The following AXDND1 variants were observed in gnomAD, a reference collection of about 807,000 sequenced individuals.
AXDND1 encodes axonemal dynein light chain domain-containing protein 1.
A neutral mutation model predicts 137.5 loss-of-function variants in AXDND1; 110 were observed. That is an observed-to-expected ratio of 0.80 (90% CI 0.69 to 0.94). The LOEUF (loss-of-function observed/expected upper bound fraction) is 0.94. Among genes scored for constraint, AXDND1 ranks in the 40% least tolerant of loss-of-function variants. AXDND1 has a pLI of 0.00. For missense variants in AXDND1, 1,191 were observed against 1,169.8 expected, an observed-to-expected ratio of 1.02 and a Z score of -0.26; for synonymous variants, 414 against 399.7, an observed-to-expected ratio of 1.04 and a Z score of -0.43.
intron 12 of AXDND1, among the ~76,000 whole-genome samples, chr1:179,425,550 A>C (rs969298596): frequency 6.6e-6 from 1 of 151,664 alleles, no homozygotes; most frequent in Non-Finnish European, 1.5e-5. Context: ...CAAGGAATCA[A>C]CATGATGGGG....
intron 4 of AXDND1, among the ~76,000 whole-genome samples, chr1:179,376,349 T>C (rs1330864906): frequency 6.6e-6 from 1 of 152,162 alleles, no homozygotes; most frequent in Non-Finnish European, 1.5e-5. Flanking sequence ...CATGTATATA[T>C]ATGGAAAGTT....
chr1:179,484,945 A>G (rs368580737), intron 18 of AXDND1, among the ~76,000 whole-genome samples: 3 of 151,154 alleles, frequency 2.0e-5, no homozygotes, highest in Admixed American at 6.6e-5. Flanking sequence ...CACTGTGCCA[A>G]CAGTGCTGCT....
intron 25 of AXDND1, among the ~76,000 whole-genome samples, chr1:179,541,172 G>A (rs934206469): frequency 7.9e-5 from 12 of 152,174 alleles, no homozygotes; most frequent in East Asian, 3.9e-4. Flanking sequence ...TGTGGGTTGC[G>A]AAGACCACGG....
At chr1:179,515,282 C>G (rs370383724) in intron 21 of AXDND1, among the ~76,000 whole-genome samples, 1 of 152,064 alleles carries the variant, frequency 6.6e-6, no homozygotes, top group African/African-American at 2.4e-5. Flanking sequence ...GGCGAATTCT[C>G]TCAGCATTTG....
At chr1:179,411,316 C>G (rs749662276) in intron 12 of AXDND1, 50 bp downstream of exon 12, 5 of 1,583,606 alleles carry the variant, frequency 3.2e-6, no homozygotes, top group Non-Finnish European at 3.4e-6. Flanking sequence ...GCTAAAGATT[C>G]ATTCTACAGT....
At chr1:179,528,461 C>T in intron 23 of AXDND1, 30 bp downstream of exon 23, 2 of 1,476,478 alleles carry the variant, frequency 1.4e-6, no homozygotes, top group Non-Finnish European at 1.9e-6. Flanking sequence ...CTAGGGAATT[C>T]AACACTATTT....
intron 17 of AXDND1, 65 bp downstream of exon 17, chr1:179,468,706 C>T (rs1056859837): frequency 1.6e-6 from 2 of 1,268,388 alleles, no homozygotes; most frequent in East Asian, 2.4e-5. Context: ...CAATACACTT[C>T]ATATATAATT....
intron 18 of AXDND1, among the ~76,000 whole-genome samples, chr1:179,484,309 A>G (rs961357294): frequency 6.6e-6 from 1 of 152,148 alleles, no homozygotes; most frequent in Non-Finnish European, 1.5e-5. Flanking sequence ...ATAGTGGAGC[A>G]CAGTCAGGGG....
intron 18 of AXDND1, among the ~76,000 whole-genome samples, chr1:179,489,741 CTTTTTTTTTTTTTTT>C (rs140787885): frequency 4.9e-5 from 5 of 101,292 alleles, no homozygotes; most frequent in Admixed American, 1.1e-4. Flanking sequence ...TACTACTTTT[CTTTTTTTTTTTTTTT>C]TTTTTTTGAG....
intron 25 of AXDND1, chr1:179,552,754 C>T (rs752112834): frequency 1.2e-5 from 14 of 1,160,244 alleles, no homozygotes; most frequent in Non-Finnish European, 1.8e-5. Context: ...CACAGACTTG[C>T]AAGCCTCTCT....
Position 179,421,367 on chromosome 1 carries a change from C to CTTTTTTT in AXDND1, c.1231-8128_1231-8122dup, listed in dbSNP as rs199703017. ...CTTCCTTCCTTTTCTTTTTCTTTTC[C>CTTTTTTT]TTTTTTTTTTTTTTTTTTTTTTTTT... On this transcript the variant is annotated intron_variant, in intron 12 of 25. Transcript: ENST00000367618. Among the ~76,000 whole-genome samples the CTTTTTTT allele has an allele frequency of 4.2e-4, 45 of 107,226 alleles. 2 individuals carry two copies. The highest frequency in any genetic ancestry group is 1.7e-3 in the African/African-American group (41 of 24,312). The allele number at this position is 107,226 out of a possible 152,430, so 70.3% of individuals were successfully genotyped here.
chr1:179,389,368 T>C (rs12730056), intron 9 of AXDND1, among the ~76,000 whole-genome samples: 30,832 of 152,146 alleles, frequency 0.2, 3,292 homozygotes, highest in Non-Finnish European at 0.24. Flanking sequence ...TTCATGGTGG[T>C]TTATTTACAT....
At chr1:179,527,520 A>G (rs1236923062) in intron 22 of AXDND1, among the ~76,000 whole-genome samples, 1 of 152,156 alleles carries the variant, frequency 6.6e-6, no homozygotes, top group Non-Finnish European at 1.5e-5. Flanking sequence ...CTCATAAATT[A>G]TTGCTGAAGT....
At chr1:179,418,404 C>T (rs982160144) in intron 12 of AXDND1, among the ~76,000 whole-genome samples, 5 of 152,248 alleles carry the variant, frequency 3.3e-5, no homozygotes, top group African/African-American at 9.6e-5. Context: ...TACACAGACA[C>T]GGCAACCATC....
Position 179,368,793 on chromosome 1 carries a change from T to C in AXDND1, c.98-7T>C. ...GTAAGAGTTTTTCTTTTCCACTACT[T>C]ACTTAGGACTTCCTGAGCTAAAGGA... On this transcript the variant is annotated splice_polypyrimidine_tract_variant and splice_region_variant and intron_variant, in intron 2 of 25. Coordinates refer to ENST00000367618, the MANE Select transcript of AXDND1 (RefSeq NM_144696.6). 1.3e-6 allele frequency: 2 copies of C among 1,597,088 alleles called. No individual in the cohort carries two copies. Among genetic ancestry groups the C allele is most frequent in the Non-Finnish European group, 1.7e-6 (2 of 1,174,148 alleles).
At chr1:179,396,910 T>C (rs1271493311) in intron 11 of AXDND1, among the ~76,000 whole-genome samples, 1 of 152,194 alleles carries the variant, frequency 6.6e-6, no homozygotes, top group Non-Finnish European at 1.5e-5. Flanking sequence ...GAAGATAGCA[T>C]ACCAATGGGT....
intron 25 of AXDND1, chr1:179,552,536 AG>A: frequency 8.0e-7 from 1 of 1,246,568 alleles, no homozygotes; most frequent in Non-Finnish European, 1.2e-6. Context: ...AAGGAAGCAA[AG>A]GGGAAATGTT....
chr1:179,384,350 C>T (rs1648863937), intron 8 of AXDND1, among the ~76,000 whole-genome samples: 1 of 152,058 alleles, frequency 6.6e-6, no homozygotes. Flanking sequence ...GATATATTTC[C>T]TACAAACAAG....
intron 25 of AXDND1, among the ~76,000 whole-genome samples, chr1:179,541,618 C>T (rs914720067): frequency 4.6e-5 from 7 of 151,700 alleles, no homozygotes; most frequent in Admixed American, 1.3e-4. Context: ...ATGGCTATCC[C>T]TTTAAAACAT....
Sources: gnomAD v4.1 joint callset for allele counts (sites outside exome capture counted in the v4.1 genomes callset) on GRCh38, gnomAD v4.1.1 for gene constraint, MANE v1.5 for transcripts, NCBI Gene and HGNC (gene_info 2026-07-23, HGNC 2026-07-21) for gene names.